The following TMEM232 variants were observed in gnomAD, a reference collection of about 807,000 sequenced individuals.
TMEM232 encodes the protein transmembrane protein 232.
In TMEM232, 80 loss-of-function variants were observed where a neutral mutation model predicts 78.8. That is an observed-to-expected ratio of 1.01 (90% CI 0.85 to 1.22). The LOEUF is 1.22. TMEM232 is among the 50% of genes most tolerant of loss of function. TMEM232 has a pLI of 0.00. For synonymous variants in TMEM232, 297 were observed against 254.3 expected (o/e 1.17, Z -1.60); for missense variants, 881 against 742.2 (o/e 1.19, Z -2.17).
At chr5:110,717,125 C>A (rs1179329498) in intron 1 of TMEM232, among the ~76,000 whole-genome samples, 2 of 151,988 alleles carry the variant, frequency 1.3e-5, no homozygotes, top group Non-Finnish European at 2.9e-5. Flanking sequence ...GACAACTGCC[C>A]TTTATATCCT....
chr5:110,738,733 CACCCGCGGGTTATCGGCTCCCTCCA>C, upstream of TMEM232: 1 of 262,766 alleles, frequency 3.8e-6, no homozygotes, highest in Non-Finnish European at 7.3e-6. Flanking sequence ...GGGTAGGCTC[CACCCGCGGGTTATCGGCTCCCTCCA>C]AGAAGCATCT....
intron 3 of TMEM232, among the ~76,000 whole-genome samples, 197 bp from the exon 4 acceptor site, chr5:110,641,193 G>A (rs1786650482): frequency 1.3e-5 from 2 of 152,030 alleles, no homozygotes; most frequent in African/African-American, 4.8e-5. Context: ...TTAGTGTTAA[G>A]ATGTAAAAAA....
chr5:110,533,515 C>A (rs61639544), intron 11 of TMEM232, among the ~76,000 whole-genome samples: 6,806 of 151,802 alleles, frequency 0.045, 543 homozygotes, highest in African/African-American at 0.16. Context: ...CTTTTAGAGG[C>A]CCTAAAAATC....
chr5:110,641,181 T>C (rs1339333342), intron 3 of TMEM232, among the ~76,000 whole-genome samples, 185 bp from the exon 4 acceptor site: 2 of 152,150 alleles, frequency 1.3e-5, no homozygotes, highest in African/African-American at 4.8e-5. Context: ...ATGCAAACTG[T>C]ATTAGTGTTA....
chr5:110,387,953 G>C (rs966754917), exon 5 of TMEM232: 1 of 152,942 alleles, frequency 6.5e-6, no homozygotes, highest in African/African-American at 2.4e-5. Flanking sequence ...CTTGTGAAGT[G>C]GCATCACTGT....
intron 12 of TMEM232, among the ~76,000 whole-genome samples, chr5:110,469,941 G>A (rs1006476451): frequency 6.6e-6 from 1 of 152,004 alleles, no homozygotes; most frequent in Admixed American, 6.6e-5. Context: ...CATTTTCTTT[G>A]CCAAAGAGTG....
intron 12 of TMEM232, among the ~76,000 whole-genome samples, chr5:110,476,503 T>A (rs1026431353): frequency 3.9e-5 from 6 of 152,038 alleles, no homozygotes; most frequent in Non-Finnish European, 8.8e-5. Flanking sequence ...CCCATACTGA[T>A]TTTGTTATGG....
At chr5:110,515,228 G>C (rs779708129) in intron 12 of TMEM232, among the ~76,000 whole-genome samples, 2 of 152,154 alleles carry the variant, frequency 1.3e-5, no homozygotes, top group Non-Finnish European at 2.9e-5. Flanking sequence ...ATGTGGTGTG[G>C]CAAACAAAAT....
intron 12 of TMEM232, among the ~76,000 whole-genome samples, chr5:110,438,466 T>C (rs1447250093): frequency 6.6e-6 from 1 of 151,954 alleles, no homozygotes; most frequent in Non-Finnish European, 1.5e-5. Context: ...GATGCTTTTT[T>C]TCATTAAGAA....
intron 1 of TMEM232, among the ~76,000 whole-genome samples, chr5:110,688,746 C>T (rs1793732235): frequency 6.6e-6 from 1 of 152,142 alleles, no homozygotes; most frequent in Non-Finnish European, 1.5e-5. Flanking sequence ...AAGGAAAAGT[C>T]AACCTGGGAA....
intron 12 of TMEM232, among the ~76,000 whole-genome samples, chr5:110,511,313 G>A (rs1004729067): frequency 6.6e-6 from 1 of 152,032 alleles, no homozygotes; most frequent in African/African-American, 2.4e-5. Flanking sequence ...AGTAAGGAGA[G>A]GGATAGCATT....
intron 2 of TMEM232, among the ~76,000 whole-genome samples, chr5:110,665,676 A>G (rs1790468204): frequency 6.6e-6 from 1 of 152,142 alleles, no homozygotes; most frequent in Non-Finnish European, 1.5e-5. Context: ...CATGGGGATT[A>G]TAATTCAAGA....
chr5:110,457,072 G>C (rs1368036580), intron 12 of TMEM232, among the ~76,000 whole-genome samples: 1 of 151,966 alleles, frequency 6.6e-6, no homozygotes, highest in African/African-American at 2.4e-5. Flanking sequence ...ATAATGCTAA[G>C]AGACTATAAA....
chr5:110,693,028 G>A (rs531817472), intron 1 of TMEM232, among the ~76,000 whole-genome samples: 4 of 152,296 alleles, frequency 2.6e-5, no homozygotes, highest in South Asian at 2.1e-4. Context: ...CCTGACCCCC[G>A]AGTAGCCTAA....
At chr5:110,477,569 A>G (rs191971373) in intron 12 of TMEM232, among the ~76,000 whole-genome samples, 20 of 152,008 alleles carry the variant, frequency 1.3e-4, no homozygotes, top group African/African-American at 3.6e-4. Context: ...AAATACATCA[A>G]TCACACCGTC....
intron 6 of TMEM232, among the ~76,000 whole-genome samples, chr5:110,627,102 T>C (rs1784511879): frequency 6.6e-6 from 1 of 152,060 alleles, no homozygotes; most frequent in Non-Finnish European, 1.5e-5. Context: ...AAATTCAATA[T>C]GCCCAATATT....
At chr5:110,424,711 C>T in intron 13 of TMEM232, 112 bp downstream of exon 13, 1 of 837,104 alleles carries the variant, frequency 1.2e-6, no homozygotes, top group Non-Finnish European at 1.8e-6. Flanking sequence ...AATCATGGCT[C>T]TACTTTTAAA....
At chr5:110,709,014 G>C (rs1796213966) in intron 1 of TMEM232, among the ~76,000 whole-genome samples, 1 of 151,922 alleles carries the variant, frequency 6.6e-6, no homozygotes, top group Admixed American at 6.6e-5. Context: ...GATACAAATA[G>C]ACTCAAAATA....
rs548841042 is a variant in TMEM232 at position 110,482,880 on chromosome 5, C to A, written c.1703+45708G>T. On this transcript the variant is annotated intron_variant, in intron 12 of 13. Transcript: ENST00000455884. ...TCTTCAAATGCTAAAGAGAAGTAGA[C>A]AAAAATGTAGAGAATTTTCCCATGG... Among the ~76,000 whole-genome samples the A allele has an allele frequency of 5.1e-3, 767 of 151,756 alleles. 3 individuals are homozygous for A. The highest frequency in any genetic ancestry group is 7.8e-3 in the Non-Finnish European group (530 of 67,954).
Sources: allele counts gnomAD v4.1 joint callset (sites outside exome capture counted in the v4.1 genomes callset), GRCh38; gene constraint gnomAD v4.1.1; transcripts MANE v1.5; gene names NCBI Gene and HGNC (gene_info 2026-07-23, HGNC 2026-07-21).